The following TJP1 variants were observed in gnomAD, a reference collection of about 807,000 sequenced individuals.
The protein encoded by TJP1 is tight junction protein 1.
Under a neutral mutation model 194.2 loss-of-function variants are expected in TJP1, and 43 were observed. That is an observed-to-expected ratio of 0.22 (90% CI 0.17 to 0.29). TJP1 has a LOEUF of 0.29. TJP1 is among the 10% of genes least tolerant of loss of function. TJP1 has a pLI of 1.00. For missense variants in TJP1, 1,971 were observed against 2,185.7 expected (o/e 0.90, Z 1.96); for synonymous variants, 801 against 779.0 (o/e 1.03, Z -0.47).
chr15:29,861,343 G>C (rs563928623), intron 2 of TJP1, among the ~76,000 whole-genome samples: 31 of 152,274 alleles, frequency 2.0e-4, no homozygotes, highest in African/African-American at 7.0e-4. Flanking sequence ...AGCCATCTTA[G>C]TGGACGTAAA....
intron 2 of TJP1, among the ~76,000 whole-genome samples, chr15:29,888,685 C>T (rs1351541080): frequency 1.3e-5 from 2 of 152,164 alleles, no homozygotes; most frequent in African/African-American, 4.8e-5. Flanking sequence ...GTTTCTACTT[C>T]CAGCAGCGTA....
intron 2 of TJP1, among the ~76,000 whole-genome samples, chr15:29,943,667 G>A (rs187329479): frequency 1.4e-5 from 2 of 140,518 alleles, no homozygotes; most frequent in East Asian, 4.4e-4. Flanking sequence ...AATATTTTCA[G>A]GCCAAGCATG....
intron 26 of TJP1, 57 bp downstream of exon 26, chr15:29,705,471 T>C: frequency 1.3e-6 from 2 of 1,547,254 alleles, no homozygotes; most frequent in Admixed American, 1.8e-5. Flanking sequence ...AGCTCTGAAG[T>C]GCACACAGGG....
At chr15:29,915,589 C>A (rs1460473615) in intron 2 of TJP1, among the ~76,000 whole-genome samples, 1 of 152,160 alleles carries the variant, frequency 6.6e-6, no homozygotes, top group Admixed American at 6.5e-5. Context: ...AAGATTTAAA[C>A]CTTAACCATT....
At chr15:29,890,600 G>T (rs987483423) in intron 2 of TJP1, among the ~76,000 whole-genome samples, 1 of 152,150 alleles carries the variant, frequency 6.6e-6, no homozygotes, top group African/African-American at 2.4e-5. Context: ...ATATGGCCTG[G>T]AATCCTAATG....
intron 2 of TJP1, among the ~76,000 whole-genome samples, chr15:29,889,609 T>C (rs1417564217): frequency 6.6e-6 from 1 of 152,218 alleles, no homozygotes; most frequent in Non-Finnish European, 1.5e-5. Flanking sequence ...CAAACTAGCA[T>C]TAACTCACCC....
intron 18 of TJP1, among the ~76,000 whole-genome samples, chr15:29,721,427 T>C (rs2042921208): frequency 6.6e-6 from 1 of 152,144 alleles, no homozygotes; most frequent in African/African-American, 2.4e-5. Context: ...TTCCTTCCCC[T>C]TCCGCCACGA....
chr15:29,817,863 A>AG (rs1007241933), intron 1 of TJP1, among the ~76,000 whole-genome samples: 16 of 152,132 alleles, frequency 1.1e-4, no homozygotes, highest in African/African-American at 3.9e-4. Flanking sequence ...GTGGGGGGAA[A>AG]GGGAGGGAAA....
chr15:29,823,188 C>T (rs191979418), upstream of TJP1: 1 of 152,346 alleles, frequency 6.6e-6, no homozygotes, highest in East Asian at 1.9e-4. Context: ...TTTTGGCCAT[C>T]AAGATTGCTG....
chr15:29,814,034 A>G (rs1358815286), intron 1 of TJP1, among the ~76,000 whole-genome samples: 3 of 152,260 alleles, frequency 2.0e-5, no homozygotes, highest in Non-Finnish European at 2.9e-5. Context: ...CAATTACTTT[A>G]TAATTCTTAA....
chr15:29,732,421 G>A lies in TJP1; in HGVS notation c.2017+12C>T, dbSNP rs746795560. The A allele has an allele frequency of 1.9e-6, 3 of 1,609,568 alleles. No individual in the cohort carries two copies. The South Asian group carries it at 3.3e-5, about 18-fold the overall frequency. On this transcript the variant is annotated intron_variant, in intron 15 of 27. Coordinates refer to ENST00000614355, the MANE Select transcript of TJP1 (RefSeq NM_001330239.4). ...TCCCAACCTCATTTAAGTTAGCCTTGAGGCTACTTACTTGCAATTTGATAA... is the reference window on the plus strand; with the variant it reads ...TCCCAACCTCATTTAAGTTAGCCTTAAGGCTACTTACTTGCAATTTGATAA...
intron 8 of TJP1, among the ~76,000 whole-genome samples, chr15:29,753,873 G>T (rs2045471895): frequency 7.1e-6 from 1 of 140,006 alleles, no homozygotes; most frequent in Admixed American, 7.1e-5. Context: ...GCCTAAAAAA[G>T]AACACGTAGT....
At chr15:29,855,710 G>C (rs1469110011) in intron 2 of TJP1, among the ~76,000 whole-genome samples, 1 of 152,042 alleles carries the variant, frequency 6.6e-6, no homozygotes, top group Non-Finnish European at 1.5e-5. Context: ...ACAAAAACTA[G>C]CTGGGCCTGG....
At position 29,708,669 on chromosome 15, in the gene TJP1, C is replaced by A; in HGVS notation, c.4740G>T (p.Leu1580Phe). Residue 1580 changes from leucine (L) to phenylalanine (F), a missense_variant, in exon 25 of 28, where the codon TTG becomes TTT. Physicochemically the swap from Leu to Phe is conservative, Grantham distance 22 (BLOSUM62 0). This residue lies in a region of TJP1 where 1,108 missense variants were observed against 1,128.5 expected (regional missense o/e 0.98). Coordinates refer to ENST00000614355, the MANE Select transcript of TJP1 (RefSeq NM_001330239.4). ...SPKTLVKSHS[L>F]AQPPEFDSGV... Reference sequence around the variant, plus strand: ...CACTGTCAAACTCAGGAGGCTGTGCCAAACTGTGCGATTTCACAAGAGTTT... The same window carrying A: ...CACTGTCAAACTCAGGAGGCTGTGCAAAACTGTGCGATTTCACAAGAGTTT... 1 of 1,614,202 alleles carries A rather than the reference C, an allele frequency of 6.2e-7. No homozygotes were observed. Among genetic ancestry groups the A allele is most frequent in the East Asian group, 2.2e-5 (1 of 44,878 alleles).
intron 2 of TJP1, among the ~76,000 whole-genome samples, chr15:29,905,505 T>C (rs2053777800): frequency 6.6e-6 from 1 of 152,214 alleles, no homozygotes; most frequent in Non-Finnish European, 1.5e-5. Flanking sequence ...ATCACACTCT[T>C]TAGTATTTAT....
At chr15:29,768,343 T>C (rs140211914) in intron 4 of TJP1, among the ~76,000 whole-genome samples, 41 of 152,374 alleles carry the variant, frequency 2.7e-4, no homozygotes, top group Non-Finnish European at 4.4e-4. Flanking sequence ...TAATATTTTC[T>C]GTAAAGCATT....
chr15:29,754,871 G>C (rs2151471891), intron 8 of TJP1, among the ~76,000 whole-genome samples: 1 of 152,244 alleles, frequency 6.6e-6, no homozygotes, highest in Non-Finnish European at 1.5e-5. Context: ...GTAAGTTTCA[G>C]AGAAAATTAA....
chr15:29,779,206 A>G (rs1478268247), intron 2 of TJP1, among the ~76,000 whole-genome samples: 1 of 152,160 alleles, frequency 6.6e-6, no homozygotes, highest in African/African-American at 2.4e-5. Context: ...CTGGGCCTGC[A>G]TGAATGCCCA....
At chr15:29,895,668 T>C (rs1018552722) in intron 2 of TJP1, among the ~76,000 whole-genome samples, 2 of 152,112 alleles carry the variant, frequency 1.3e-5, no homozygotes, top group Admixed American at 1.3e-4. Context: ...TTCACAGCAA[T>C]CTAAGCTTTT....
Sources: allele counts gnomAD v4.1 joint callset (sites outside exome capture counted in the v4.1 genomes callset), GRCh38; gene constraint gnomAD v4.1.1; regional missense constraint gnomAD v4.1.1; transcripts MANE v1.5; gene names NCBI Gene and HGNC (gene_info 2026-07-23, HGNC 2026-07-21).